The following GDF7 variants were observed in gnomAD, a reference collection of about 807,000 sequenced individuals.
GDF7 encodes the protein growth/differentiation factor 7.
Under a neutral mutation model 13.4 loss-of-function variants are expected in GDF7, and 12 were observed. That is an observed-to-expected ratio of 0.90 (90% CI 0.57 to 1.45). GDF7 has a LOEUF of 1.45. Among genes scored for constraint, GDF7 ranks in the 40% most tolerant of loss-of-function variants. The probability of loss-of-function intolerance (pLI) is 0.00; values close to 1 mark genes in which losing one functional copy is unlikely to be tolerated. For missense variants in GDF7, 651 were observed against 652.4 expected (o/e 1.00, Z 0.02); for synonymous variants, 330 against 306.4 (o/e 1.08, Z -0.80).
At position 20,675,481 on chromosome 2, in the gene GDF7, C is replaced by G. The variant is rs1372036800; in HGVS notation, c.*4056C>G. On this transcript the variant is annotated 3_prime_UTR_variant, in exon 2 of 2. Transcript: ENST00000272224. ...TCCGAGTGCCCAGAGGCAGCTGCTC[C>G]CACAGCACGGACTGCGCCCGCCAGG... 6.6e-6 allele frequency: 1 copy of G among 152,262 alleles called. No homozygotes were observed. The highest frequency in any genetic ancestry group is 1.5e-5 in the Non-Finnish European group (1 of 68,072). The allele number at this position is 152,262 out of a possible 1,614,324, so 9.4% of individuals were successfully genotyped here.
chr2:20,669,709 CG>C (rs1662076920), intron 1 of GDF7, among the ~76,000 whole-genome samples: 1 of 152,230 alleles, frequency 6.6e-6, no homozygotes, highest in Non-Finnish European at 1.5e-5. Flanking sequence ...TTTGGGGTTG[CG>C]ATCGCGAGCA....
In GDF7 at chr2:20,679,098, A is replaced by G. The variant is rs532079384; in HGVS notation, c.*7673A>G. On this transcript the variant is annotated 3_prime_UTR_variant, in exon 2 of 2. Transcript: ENST00000272224. ...AAATTTAAATAGATTGTACATAGTG[A>G]AATGTAAATGACATGTAAAACAGCA... is the stretch of plus-strand genomic sequence containing the variant. 1 of 152,366 alleles carries G rather than the reference A, an allele frequency of 6.6e-6. No homozygotes were observed. Among genetic ancestry groups the G allele is most frequent in the Admixed American group, 6.5e-5 (1 of 15,310 alleles). The allele number at this position is 152,366 out of a possible 1,614,324, so 9.4% of individuals were successfully genotyped here.
chr2:20,667,749 G>A lies in GDF7; in HGVS notation c.391+119G>A, dbSNP rs889677562. 1.4e-5 allele frequency: 10 copies of A among 721,018 alleles called. No homozygotes were observed. Among genetic ancestry groups the A allele is most frequent in the Non-Finnish European group, 1.9e-5 (10 of 519,734 alleles). The allele number at this position is 721,018 out of a possible 1,614,324, so 44.7% of individuals were successfully genotyped here. On this transcript the variant is annotated intron_variant, in intron 1 of 1. Coordinates refer to ENST00000272224, the MANE Select transcript of GDF7 (RefSeq NM_182828.4). This position sits in a 1 kb window ranked among gnomAD's most constrained non-coding sequence, Gnocchi z 6.4. ...GCGGCCCCATGCGGCCCACCCTCAG[G>A]TGATAGAAAGAAACTTCGCCGAGGC...
Position 20,673,433 on chromosome 2 carries a change from T to C in GDF7, c.*2008T>C, listed in dbSNP as rs754673220. On this transcript the variant is annotated 3_prime_UTR_variant, in exon 2 of 2. Coordinates refer to ENST00000272224, the MANE Select transcript of GDF7 (RefSeq NM_182828.4). ...CTAAATTTGTGGATTTTGCCAGAGA[T>C]GCCTCACTCTCGTTTTTAAAATGAA... 3 of 152,238 alleles carry C rather than the reference T, an allele frequency of 2.0e-5. No homozygotes were observed. Among genetic ancestry groups the C allele is most frequent in the African/African-American group, 7.2e-5 (3 of 41,462 alleles). The allele number at this position is 152,238 out of a possible 1,614,324, so 9.4% of individuals were successfully genotyped here. A position where few individuals can be genotyped will look rare whatever the true frequency, so the allele number is the denominator to read the frequency against.
At position 20,670,723 on chromosome 2, in the gene GDF7, G is replaced by A. The variant is rs938322723; in HGVS notation, c.651G>A (p.Met217Ile). The change falls in exon 2 of 2, where the codon ATG becomes ATA. Residue 217 changes from methionine to isoleucine, a missense_variant. This residue lies in a region of GDF7 where 487 missense variants were observed against 445.9 expected (regional missense o/e 1.09). Transcript: ENST00000272224. ...AGGCGTTCGACGTGGCGGACGCCATGAGGCGCCACCGTCGTGAACCGCGCC... is the reference window on the plus strand; with the variant it reads ...AGGCGTTCGACGTGGCGGACGCCATAAGGCGCCACCGTCGTGAACCGCGCC... Reference protein sequence around the residue: ...RWEAFDVADAMRRHRREPRPP... With the variant: ...RWEAFDVADAIRRHRREPRPP... 1.5e-5 allele frequency: 22 copies of A among 1,480,160 alleles called. No homozygotes were observed. The highest frequency in any genetic ancestry group is 9.2e-5 in the Admixed American group (4 of 43,410). 91.7% of individuals were successfully genotyped at this position (1,480,160 alleles called of 1,614,324 possible).
At position 20,670,603 on chromosome 2, in the gene GDF7, G is replaced by A. The variant is rs745347398; in HGVS notation, c.531G>A (p.Pro177=). ...PESGPGSWTS[P]PLLLLSTCPG... is the part of the protein sequence containing the mutation. ...CGGGCCCAGGCAGCTGGACTTCTCC[G>A]CCGTTGCTGCTGCTGTCCACGTGCC... Residue 177 remains proline (P), a synonymous_variant, in exon 2 of 2, where the codon CCG becomes CCA. Transcript: ENST00000272224. 1 of 1,592,482 alleles carries A rather than the reference G, an allele frequency of 6.3e-7. No homozygotes were observed. The highest frequency in any genetic ancestry group is 2.3e-5 in the East Asian group (1 of 43,672).
Position 20,670,972 on chromosome 2 carries a change from GC to G in GDF7, c.903del (p.Asp302ThrfsTer166). ...GGGCCGCTCTGGCCTCAGAGCCGCT[GC>G]CCGACCCAGGAACCGGCACCGCGTC... ...LGAALASEPL[P>X]DPGTGTASPR... On this transcript the variant is annotated frameshift_variant, in exon 2 of 2. Coordinates refer to ENST00000272224, the MANE Select transcript of GDF7 (RefSeq NM_182828.4). LOFTEE classifies it low-confidence loss of function (END_TRUNC). 1 of 1,558,230 alleles carries G rather than the reference GC, an allele frequency of 6.4e-7. No individual in the cohort carries two copies. Among genetic ancestry groups the G allele is most frequent in the Admixed American group, 1.8e-5 (1 of 56,604 alleles).
Position 20,677,506 on chromosome 2 carries a change from T to C in GDF7, c.*6081T>C, listed in dbSNP as rs62122117. 0.18 allele frequency: 27,069 copies of C among 152,250 alleles called. 2,971 individuals are homozygous for C. The highest frequency in any genetic ancestry group is 0.24 in the Non-Finnish European group (16,388 of 68,014). 9.4% of individuals were successfully genotyped at this position (152,250 alleles called of 1,614,324 possible). A position where few individuals can be genotyped will look rare whatever the true frequency, so the allele number is the denominator to read the frequency against. ...CTGCACTGCTCCATCTGACCAGCAG[T>C]GGCAACAGCCACAACCAGTTCTGCA... On this transcript the variant is annotated 3_prime_UTR_variant, in exon 2 of 2. Coordinates refer to ENST00000272224, the MANE Select transcript of GDF7 (RefSeq NM_182828.4).
At position 20,671,267 on chromosome 2, in the gene GDF7, C is replaced by G; in HGVS notation, c.1195C>G (p.Gln399Glu). ...HLEPTNHAII[Q>E]TLLNSMAPDA... ...CGAGCCCACCAACCATGCCATCATT[C>G]AGACGCTGCTCAACTCCATGGCACC... Residue 399 changes from glutamine (Q) to glutamate (E), a missense_variant, in exon 2 of 2, where the codon CAG (glutamine) becomes GAG (glutamate). Around this residue, in one of 4 missense-constraint regions of GDF7, gnomAD observed 101 missense variants for 139.2 expected, o/e 0.73. Transcript: ENST00000272224. 6.2e-7 allele frequency: 1 copy of G among 1,613,988 alleles called. No homozygotes were observed. Among genetic ancestry groups the G allele is most frequent in the Non-Finnish European group, 8.5e-7 (1 of 1,179,970 alleles).
rs930304605 is a variant in GDF7, at chr2:20,677,751, C to G, written c.*6326C>G. On this transcript the variant is annotated 3_prime_UTR_variant, in exon 2 of 2. Transcript: ENST00000272224. ...TGGTGAGCTGGTGCAACTGCACACA[C>G]CTTTTCTCTGGTTTTTAGTACTCAC... 6.6e-6 allele frequency: 1 copy of G among 152,252 alleles called. No homozygotes were observed. 9.4% of individuals were successfully genotyped at this position (152,252 alleles called of 1,614,324 possible). A position where few individuals can be genotyped will look rare whatever the true frequency, so the allele number is the denominator to read the frequency against.
In GDF7 at chr2:20,675,342, G is replaced by C. The variant is rs931365169; in HGVS notation, c.*3917G>C. On this transcript the variant is annotated 3_prime_UTR_variant, in exon 2 of 2. Coordinates refer to ENST00000272224, the MANE Select transcript of GDF7 (RefSeq NM_182828.4). ...AAGTGTCTGGATTGGGAAGGGAAGA[G>C]AGGAAGCTGCCGAGCGAACCCAGCA... The C allele has an allele frequency of 2.6e-5, 4 of 152,334 alleles. No individual in the cohort carries two copies. The highest frequency in any genetic ancestry group is 9.6e-5 in the African/African-American group (4 of 41,470). 9.4% of individuals were successfully genotyped at this position (152,334 alleles called of 1,614,324 possible). A position where few individuals can be genotyped will look rare whatever the true frequency, so the allele number is the denominator to read the frequency against.
intron 1 of GDF7, among the ~76,000 whole-genome samples, chr2:20,668,935 A>AG (rs1662042913): frequency 8.6e-6 from 1 of 115,664 alleles, no homozygotes; most frequent in Admixed American, 9.0e-5. Flanking sequence ...CTGCAGGAGA[A>AG]GGGGGGTGTG....
In GDF7 at chr2:20,667,736, G is replaced by A; in HGVS notation, c.391+106G>A. 2.4e-6 allele frequency: 2 copies of A among 827,508 alleles called. No homozygotes were observed. The highest frequency in any genetic ancestry group is 3.3e-6 in the Non-Finnish European group (2 of 613,840). The allele number at this position is 827,508 out of a possible 1,614,324, so 51.3% of individuals were successfully genotyped here. A position where few individuals can be genotyped will look rare whatever the true frequency, so the allele number is the denominator to read the frequency against. The stretch of plus-strand genomic sequence containing the variant: ...TACATTTGGAGCCGCGGCCCCATGC[G>A]GCCCACCCTCAGGTGATAGAAAGAA... On this transcript the variant is annotated intron_variant, in intron 1 of 1. Transcript: ENST00000272224. The surrounding 1 kb of genome is among the most constrained non-coding windows in gnomAD (Gnocchi z 6.4).
Position 20,673,573 on chromosome 2 carries a change from G to A in GDF7, c.*2148G>A, listed in dbSNP as rs2242307. ...AAAGTGCAGTTAAATGTTATTTTGA[G>A]GAAGGTCTGGGGTATTTAATATCTT... is the stretch of plus-strand genomic sequence containing the variant. On this transcript the variant is annotated 3_prime_UTR_variant, in exon 2 of 2. Coordinates refer to ENST00000272224, the MANE Select transcript of GDF7 (RefSeq NM_182828.4). 0.53 allele frequency: 80,508 copies of A among 152,096 alleles called. 21,554 individuals are homozygous for A. The highest frequency in any genetic ancestry group is 0.57 in the Non-Finnish European group (38,573 of 68,000). 9.4% of individuals were successfully genotyped at this position (152,096 alleles called of 1,614,324 possible).
At position 20,671,436 on chromosome 2, in the gene GDF7, G is replaced by A. The variant is rs769401232; in HGVS notation, c.*11G>A. The A allele has an allele frequency of 2.5e-6, 4 of 1,605,962 alleles. No individual in the cohort carries two copies. In the African/African-American group the frequency reaches 5.3e-5, roughly 21 times the overall value. ...TGCGGCTGCAGGTAGCGCGAGGGCC[G>A]GGGAGGGGGCAGCCACGCGGCCGAG... On this transcript the variant is annotated 3_prime_UTR_variant, in exon 2 of 2. Transcript: ENST00000272224.
At position 20,676,672 on chromosome 2, in the gene GDF7, G is replaced by A. The variant is rs1196102008; in HGVS notation, c.*5247G>A. On this transcript the variant is annotated 3_prime_UTR_variant, in exon 2 of 2. Coordinates refer to ENST00000272224, the MANE Select transcript of GDF7 (RefSeq NM_182828.4). ...GGGTGCTGTCTGCCCATGACCTGCA[G>A]GTACCCACCTTAACCAGAGCTTGGC... The A allele has an allele frequency of 6.6e-6, 1 of 152,262 alleles. No individual in the cohort carries two copies. Among genetic ancestry groups the A allele is most frequent in the Admixed American group, 6.5e-5 (1 of 15,288 alleles). 9.4% of individuals were successfully genotyped at this position (152,262 alleles called of 1,614,324 possible). A position where few individuals can be genotyped will look rare whatever the true frequency, so the allele number is the denominator to read the frequency against.
rs1662131571 is a variant in GDF7 at position 20,671,763 on chromosome 2, G to A, written c.*338G>A. 2 of 278,992 alleles carry A rather than the reference G, an allele frequency of 7.2e-6. No homozygotes were observed. Among genetic ancestry groups the A allele is most frequent in the South Asian group, 4.6e-5 (1 of 21,870 alleles). 17.3% of individuals were successfully genotyped at this position (278,992 alleles called of 1,614,324 possible). On this transcript the variant is annotated 3_prime_UTR_variant, in exon 2 of 2. Transcript: ENST00000272224. Reference sequence around the variant, plus strand: ...CAGTTAGAGGCACGAAAATCAGGTAGCAACAACGGGTTAGGAAATTCGAAG... The same window carrying A: ...CAGTTAGAGGCACGAAAATCAGGTAACAACAACGGGTTAGGAAATTCGAAG...
Position 20,676,790 on chromosome 2 carries a change from G to C in GDF7, c.*5365G>C, listed in dbSNP as rs573872967. On this transcript the variant is annotated 3_prime_UTR_variant, in exon 2 of 2. Transcript: ENST00000272224. The stretch of plus-strand genomic sequence containing the variant: ...GGACCAATTACAGCAGAGCAACCCA[G>C]GATGGGTGGTCATTGAAAAATGGGT... 3.3e-5 allele frequency: 5 copies of C among 152,362 alleles called. No homozygotes were observed. Among genetic ancestry groups the C allele is most frequent in the African/African-American group, 1.2e-4 (5 of 41,590 alleles). 9.4% of individuals were successfully genotyped at this position (152,362 alleles called of 1,614,324 possible).
rs1166123049 is a variant in GDF7 at position 20,671,013 on chromosome 2, T to C, written c.941T>C (p.Ile314Thr). Residue 314 changes from isoleucine to threonine, a missense_variant, in exon 2 of 2, where the codon ATT becomes ACT. By Grantham distance (89) the Ile-to-Thr change is moderately conservative. Around this residue, in one of 4 missense-constraint regions of GDF7, gnomAD observed 487 missense variants for 445.9 expected, o/e 1.09. Coordinates refer to ENST00000272224, the MANE Select transcript of GDF7 (RefSeq NM_182828.4). Reference protein sequence around the residue: ...GTGTASPRAVIGGRRRRRTAL... With the variant: ...GTGTASPRAVTGGRRRRRTAL... ...GGCACCGCGTCGCCAAGGGCAGTCA[T>C]TGGCGGCCGCAGACGGAGGAGGACG... 4 of 1,540,418 alleles carry C rather than the reference T, an allele frequency of 2.6e-6. No homozygotes were observed. Among genetic ancestry groups the C allele is most frequent in the Admixed American group, 3.8e-5 (2 of 52,758 alleles).
Sources: gnomAD v4.1 joint callset for allele counts (sites outside exome capture counted in the v4.1 genomes callset) on GRCh38, gnomAD v4.1.1 for gene constraint, gnomAD v4.1.1 regional missense constraint, Gnocchi (gnomAD v3.1) non-coding constraint, MANE v1.5 for transcripts, NCBI Gene and HGNC (gene_info 2026-07-23, HGNC 2026-07-21) for gene names.